Variants in MYRIP observed in about 807,000 individuals in gnomAD.
MYRIP encodes the protein myosin VIIA and Rab interacting protein.
Under a neutral mutation model 98.0 loss-of-function variants are expected in MYRIP, and 49 were observed. The ratio of observed to expected loss-of-function variants is 0.50; its 90% CI spans 0.40 to 0.63. The LOEUF (loss-of-function observed/expected upper bound fraction) is 0.63, where lower values mean the gene tolerates loss of function less well. Among genes scored for constraint, MYRIP ranks in the 30% least tolerant of loss-of-function variants. The pLI is 0.00. For missense variants in MYRIP, 1,004 were observed against 1,058.2 expected (o/e 0.95, Z 0.71); for synonymous variants, 404 against 409.5 (o/e 0.99, Z 0.16).
chr3:40,232,181 A>T lies in MYRIP; in HGVS notation c.1906-1678A>T, dbSNP rs544412083. On this transcript the variant is annotated intron_variant, in intron 11 of 16. Transcript: ENST00000302541. ...TTTTGGTATGTAGCAAAGCCCCCTG[A>T]ACCAACAGAAACATGGCTATTGGGT... 3.3e-5 allele frequency among the ~76,000 whole-genome samples: 5 copies of T among 152,292 alleles called. No homozygotes were observed. The South Asian group carries it at 6.2e-4, about 19-fold the overall frequency.
intron 2 of MYRIP, among the ~76,000 whole-genome samples, chr3:40,017,672 A>T (rs1649497342): frequency 1.3e-5 from 2 of 151,330 alleles, no homozygotes; most frequent in South Asian, 4.2e-4. Flanking sequence ...AGTCTAAAAT[A>T]AATAAAGAAA....
intron 1 of MYRIP, among the ~76,000 whole-genome samples, chr3:39,860,995 A>G (rs1016825593): frequency 6.6e-6 from 1 of 152,230 alleles, no homozygotes. Context: ...GCCAACAAGC[A>G]TGCGTTCTGC....
chr3:40,252,076 A>G, intron 16 of MYRIP, 77 bp downstream of exon 16: 1 of 1,132,906 alleles, frequency 8.8e-7, no homozygotes, highest in Non-Finnish European at 1.3e-6. Flanking sequence ...TTCCTTCTGT[A>G]GCTCCCGCAT....
chr3:39,912,860 C>T (rs757796425), intron 2 of MYRIP, among the ~76,000 whole-genome samples: 2 of 152,194 alleles, frequency 1.3e-5, no homozygotes, highest in Non-Finnish European at 2.9e-5. Flanking sequence ...GCCAATATGG[C>T]AAAACCCTGT....
intron 2 of MYRIP, among the ~76,000 whole-genome samples, chr3:39,998,758 T>G (rs372217096): frequency 2.0e-5 from 3 of 152,078 alleles, no homozygotes; most frequent in African/African-American, 7.2e-5. Context: ...GGAGGCATCA[T>G]GCTACCTGAC....
At chr3:40,103,393 C>T (rs965968589) in intron 3 of MYRIP, among the ~76,000 whole-genome samples, 9 of 152,234 alleles carry the variant, frequency 5.9e-5, no homozygotes, top group African/African-American at 1.9e-4. Flanking sequence ...ATCTAATGTA[C>T]ACACTCAGAA....
intron 3 of MYRIP, among the ~76,000 whole-genome samples, chr3:40,082,470 T>C (rs980660849): frequency 6.6e-6 from 1 of 152,212 alleles, no homozygotes; most frequent in Non-Finnish European, 1.5e-5. Flanking sequence ...TCATGTAAAG[T>C]TTTTCATTAA....
intron 3 of MYRIP, among the ~76,000 whole-genome samples, chr3:40,099,591 C>T (rs1014893448): frequency 2.0e-5 from 3 of 152,212 alleles, no homozygotes; most frequent in African/African-American, 7.2e-5. Flanking sequence ...TATACACACA[C>T]TCTCGTGCTT....
chr3:40,015,571 C>T (rs1946845968), intron 2 of MYRIP, among the ~76,000 whole-genome samples: 1 of 152,184 alleles, frequency 6.6e-6, no homozygotes, highest in South Asian at 2.1e-4. Flanking sequence ...TTCCCCTCTG[C>T]AAGGGAGCCA....
chr3:39,860,549 G>T (rs1942437385), intron 1 of MYRIP, among the ~76,000 whole-genome samples: 1 of 152,144 alleles, frequency 6.6e-6, no homozygotes, highest in Non-Finnish European at 1.5e-5. Flanking sequence ...CTCTCACGGG[G>T]GCCCAGCCTG....
At chr3:40,180,951 C>T (rs1354447624) in intron 8 of MYRIP, among the ~76,000 whole-genome samples, 1 of 152,194 alleles carries the variant, frequency 6.6e-6, no homozygotes, top group Non-Finnish European at 1.5e-5. Flanking sequence ...CCTCATCTAT[C>T]TCTGTGTCTT....
intron 2 of MYRIP, among the ~76,000 whole-genome samples, chr3:40,004,829 G>A (rs1355915814): frequency 1.3e-5 from 2 of 152,130 alleles, no homozygotes; most frequent in Non-Finnish European, 2.9e-5. Flanking sequence ...ATGTGCAGGT[G>A]TGTTACAAGG....
At chr3:39,888,614 C>T (rs1174131550) in intron 1 of MYRIP, among the ~76,000 whole-genome samples, 2 of 152,182 alleles carry the variant, frequency 1.3e-5, no homozygotes, top group African/African-American at 4.8e-5. Flanking sequence ...AGGACATACG[C>T]ATGAGCAAGG....
chr3:40,210,211 C>A, intron 11 of MYRIP, 118 bp downstream of exon 11: 1 of 1,271,726 alleles, frequency 7.9e-7, no homozygotes, highest in Non-Finnish European at 1.1e-6. Flanking sequence ...CTAAAATGCC[C>A]ATCCCTGTGC....
chr3:40,148,486 T>C (rs957582785), intron 3 of MYRIP, among the ~76,000 whole-genome samples: 33 of 152,186 alleles, frequency 2.2e-4, no homozygotes, highest in Non-Finnish European at 7.3e-5. Context: ...TATTTTTGCC[T>C]TCTTATTGTA....
chr3:40,067,340 A>G (rs1243957003), intron 3 of MYRIP, among the ~76,000 whole-genome samples: 1 of 152,158 alleles, frequency 6.6e-6, no homozygotes. Context: ...GGTGGGAGAA[A>G]GACTCAGTGG....
At chr3:39,943,181 C>G (rs1019798241) in intron 2 of MYRIP, among the ~76,000 whole-genome samples, 1 of 152,142 alleles carries the variant, frequency 6.6e-6, no homozygotes, top group Non-Finnish European at 1.5e-5. Context: ...GGAAGAGCTG[C>G]ATGCAGTGCA....
At chr3:39,875,898 T>C (rs1158906195) in intron 1 of MYRIP, among the ~76,000 whole-genome samples, 2 of 152,050 alleles carry the variant, frequency 1.3e-5, no homozygotes, top group Non-Finnish European at 2.9e-5. Context: ...GGTATCCTTG[T>C]TGACTTTCTG....
chr3:39,894,510 G>A (rs1010546570), intron 1 of MYRIP, among the ~76,000 whole-genome samples: 24 of 152,150 alleles, frequency 1.6e-4, no homozygotes, highest in African/African-American at 5.8e-4. Flanking sequence ...TTTTTCTCTT[G>A]ATGGACACTT....
Sources: allele counts gnomAD v4.1 joint callset (sites outside exome capture counted in the v4.1 genomes callset), GRCh38; gene constraint gnomAD v4.1.1; transcripts MANE v1.5; gene names NCBI Gene and HGNC (gene_info 2026-07-23, HGNC 2026-07-21).